The following GRIN2A variants were observed in gnomAD, a reference collection of about 807,000 sequenced individuals.
The protein encoded by GRIN2A is glutamate ionotropic receptor NMDA type subunit 2A, also known as glutamate receptor ionotropic, NMDA 2A.
A neutral mutation model predicts 113.4 loss-of-function variants in GRIN2A; 22 were observed. That is an observed-to-expected ratio of 0.19 (90% CI 0.14 to 0.28). The LOEUF (loss-of-function observed/expected upper bound fraction) is 0.28, where lower values mean the gene tolerates loss of function less well. GRIN2A is among the 10% of genes least tolerant of loss of function. GRIN2A has a pLI of 1.00. For missense variants in GRIN2A, 1,502 were observed against 1,887.0 expected (o/e 0.80, Z 3.78); for synonymous variants, 827 against 738.4 (o/e 1.12, Z -1.94).
intron 2 of GRIN2A, chr16:10,111,449 T>A: frequency 1.7e-6 from 1 of 584,296 alleles, no homozygotes; most frequent in Non-Finnish European, 3.2e-6. Context: ...GTGCAGCAGC[T>A]CTTCCTCGGC....
At chr16:10,072,676 C>A (rs1056182280) in intron 2 of GRIN2A, among the ~76,000 whole-genome samples, 4 of 152,134 alleles carry the variant, frequency 2.6e-5, no homozygotes, top group Admixed American at 2.6e-4. Context: ...TCTGTGGACC[C>A]CCTGACATCA....
At chr16:9,846,485 C>A (rs570936048) in intron 5 of GRIN2A, among the ~76,000 whole-genome samples, 1 of 152,322 alleles carries the variant, frequency 6.6e-6, no homozygotes, top group East Asian at 1.9e-4. Flanking sequence ...GATCTGGGCA[C>A]TTGCATCTTG....
intron 3 of GRIN2A, among the ~76,000 whole-genome samples, chr16:9,907,109 G>C (rs1409944153): frequency 1.3e-5 from 2 of 152,176 alleles, no homozygotes; most frequent in Non-Finnish European, 2.9e-5. Context: ...CACGATGCCT[G>C]ACCACAAAAG....
intron 2 of GRIN2A, among the ~76,000 whole-genome samples, chr16:10,105,195 C>A (rs1388047794): frequency 6.6e-6 from 1 of 152,076 alleles, no homozygotes; most frequent in African/African-American, 2.4e-5. Flanking sequence ...GAACCCCTGA[C>A]AAAAAGCCTA....
intron 10 of GRIN2A, among the ~76,000 whole-genome samples, chr16:9,802,343 A>G (rs1596435034): frequency 6.6e-6 from 1 of 152,226 alleles, no homozygotes; most frequent in African/African-American, 2.4e-5. Flanking sequence ...TACACCATGG[A>G]ATACTATGCA....
At chr16:9,891,859 G>C (rs2043700709) in intron 3 of GRIN2A, among the ~76,000 whole-genome samples, 1 of 152,178 alleles carries the variant, frequency 6.6e-6, no homozygotes, top group Non-Finnish European at 1.5e-5. Flanking sequence ...GAAAATGTGA[G>C]ATCAGGTGAG....
intron 11 of GRIN2A, among the ~76,000 whole-genome samples, chr16:9,772,289 T>G (rs964434179): frequency 1.3e-5 from 2 of 152,240 alleles, no homozygotes; most frequent in Non-Finnish European, 2.9e-5. Context: ...CCTGCACGGC[T>G]GCTTCCTCTT....
Position 9,763,215 on chromosome 16 carries a change from C to T in GRIN2A, c.4329G>A (p.Arg1443=), listed in dbSNP as rs1900665801. The change falls in exon 13 of 13, where the codon AGG becomes AGA. Residue 1443 remains arginine, a synonymous_variant. Coordinates refer to ENST00000330684, the MANE Select transcript of GRIN2A (RefSeq NM_001134407.3). The part of the protein sequence containing the change: ...ANKNNMYSTP[R]VLNSCSNRRV... ...GTCTATTGCTGCAGGAATTTAAAAC[C>T]CTGGGGGTAGAGTACATATTATTCT... 1 of 1,613,942 alleles carries T rather than the reference C, an allele frequency of 6.2e-7. No individual in the cohort carries two copies.
At chr16:10,031,164 G>A (rs1449524840) in intron 2 of GRIN2A, among the ~76,000 whole-genome samples, 2 of 152,110 alleles carry the variant, frequency 1.3e-5, no homozygotes, top group African/African-American at 2.4e-5. Context: ...AATAAAATAC[G>A]TAAATCCTCA....
chr16:9,973,549 C>T (rs545948953), intron 2 of GRIN2A, among the ~76,000 whole-genome samples: 343 of 152,116 alleles, frequency 2.3e-3, no homozygotes, highest in African/African-American at 8.0e-3. Flanking sequence ...TGGTGAAAGA[C>T]ATAAACTTAC....
rs764266263 is a variant in GRIN2A at position 9,949,764 on chromosome 16, G to T, written c.415-11213C>A. Among the ~76,000 whole-genome samples, 69 of 152,242 alleles carry T rather than the reference G, an allele frequency of 4.5e-4. 1 individual carries two copies. Among genetic ancestry groups the T allele is most frequent in the Non-Finnish European group, 1.0e-4 (7 of 68,002 alleles). ...GGGTGGGTGGGTGGATGGATGGATG[G>T]ATGGACAGATGAACAGATGGACGGA... On this transcript the variant is annotated intron_variant, in intron 2 of 12. Coordinates refer to ENST00000330684, the MANE Select transcript of GRIN2A (RefSeq NM_001134407.3).
chr16:10,107,973 C>T (rs1350875440), intron 2 of GRIN2A, among the ~76,000 whole-genome samples: 1 of 152,150 alleles, frequency 6.6e-6, no homozygotes, highest in African/African-American at 2.4e-5. Context: ...GAGGGAATGC[C>T]TCATATGCAA....
At chr16:9,789,934 G>A (rs183732888) in intron 11 of GRIN2A, among the ~76,000 whole-genome samples, 1 of 152,338 alleles carries the variant, frequency 6.6e-6, no homozygotes, top group Non-Finnish European at 1.5e-5. Flanking sequence ...GGGCTGGTTT[G>A]TCAAAGAAAG....
intron 10 of GRIN2A, among the ~76,000 whole-genome samples, chr16:9,811,101 A>C (rs1472146902): frequency 1.3e-5 from 2 of 152,134 alleles, no homozygotes; most frequent in African/African-American, 4.8e-5. Context: ...ATGTGTTTAT[A>C]ATTTTACTGT....
At chr16:9,894,387 G>A (rs1406399075) in intron 3 of GRIN2A, among the ~76,000 whole-genome samples, 1 of 152,176 alleles carries the variant, frequency 6.6e-6, no homozygotes, top group Non-Finnish European at 1.5e-5. Flanking sequence ...ATGCTTCTCT[G>A]CACTTGAGGG....
intron 10 of GRIN2A, among the ~76,000 whole-genome samples, chr16:9,801,800 C>T (rs1014003395): frequency 5.3e-5 from 8 of 152,096 alleles, no homozygotes; most frequent in African/African-American, 1.9e-4. Context: ...CATGGAGGCA[C>T]ACAATTGGGC....
At position 9,762,861 on chromosome 16, in the gene GRIN2A, C is replaced by G. The variant is rs1596373476; in HGVS notation, c.*288G>C. 4 of 505,050 alleles carry G rather than the reference C, an allele frequency of 7.9e-6. No individual in the cohort carries two copies. The East Asian group carries it at 1.3e-4, about 17-fold the overall frequency. The allele number at this position is 505,050 out of a possible 1,614,324, so 31.3% of individuals were successfully genotyped here. A position where few individuals can be genotyped will look rare whatever the true frequency, so the allele number is the denominator to read the frequency against. On this transcript the variant is annotated 3_prime_UTR_variant, in exon 13 of 13. Transcript: ENST00000330684. ...GCATCCAATGCATCATTATTGCCAA[C>G]ATACCCAGTAGGCATGTCCCGGAGA...
intron 2 of GRIN2A, among the ~76,000 whole-genome samples, chr16:10,130,080 C>A (rs1460568472): frequency 6.6e-6 from 1 of 152,046 alleles, no homozygotes; most frequent in Middle Eastern, 3.2e-3. Flanking sequence ...TTTACTAAGA[C>A]AAGAAAGTAA....
intron 3 of GRIN2A, among the ~76,000 whole-genome samples, chr16:9,917,249 A>G (rs1039936004): frequency 1.3e-5 from 2 of 152,184 alleles, no homozygotes; most frequent in East Asian, 3.9e-4. Context: ...AGGAGCCATA[A>G]TATAGTGCAA....
Sources: gnomAD v4.1 joint callset for allele counts (sites outside exome capture counted in the v4.1 genomes callset) on GRCh38, gnomAD v4.1.1 for gene constraint, MANE v1.5 for transcripts, NCBI Gene and HGNC (gene_info 2026-07-23, HGNC 2026-07-21) for gene names.